The following APOBEC1 variants were observed in gnomAD, a reference collection of about 807,000 sequenced individuals.
The protein encoded by APOBEC1 is C->U-editing enzyme APOBEC-1.
APOBEC1 carries 22 observed loss-of-function variants against 26.3 expected under a neutral mutation model. That is an observed-to-expected ratio of 0.84 (90% CI 0.60 to 1.19). The LOEUF (loss-of-function observed/expected upper bound fraction) is 1.19. APOBEC1 is among the 50% of genes most tolerant of loss of function. The pLI is 0.00. For missense variants in APOBEC1, 253 were observed against 289.0 expected, an observed-to-expected ratio of 0.88 and a Z score of 0.90; for synonymous variants, 77 against 95.3, an observed-to-expected ratio of 0.81 and a Z score of 1.12.
chr12:7,665,766 C>T, intron 1 of APOBEC1, 91 bp downstream of exon 1: 1 of 591,692 alleles, frequency 1.7e-6, no homozygotes, highest in East Asian at 3.3e-5. Flanking sequence ...CACACACACA[C>T]ACACACACAC....
intron 2 of APOBEC1, among the ~76,000 whole-genome samples, chr12:7,653,228 C>T (rs1174944840): frequency 6.6e-6 from 1 of 151,842 alleles, no homozygotes; most frequent in Admixed American, 6.6e-5. Context: ...CCACGCCCAG[C>T]CTCTGCTCCC....
chr12:7,657,020 G>T (rs1224736277), intron 1 of APOBEC1, among the ~76,000 whole-genome samples: 1 of 150,366 alleles, frequency 6.7e-6, no homozygotes. Flanking sequence ...ATACCCACTT[G>T]GTGTCCTAGT....
intron 4 of APOBEC1, among the ~76,000 whole-genome samples, chr12:7,650,790 C>G (rs1308716552): frequency 6.6e-6 from 1 of 152,194 alleles, no homozygotes; most frequent in Non-Finnish European, 1.5e-5. Context: ...TTGGCGTGAT[C>G]ATAGCTCACT....
upstream of APOBEC1, among the ~76,000 whole-genome samples, chr12:7,669,484 G>A (rs1863929944): frequency 6.6e-6 from 1 of 152,116 alleles, no homozygotes; most frequent in Non-Finnish European, 1.5e-5. Flanking sequence ...GTGTAAACAT[G>A]TCTCTTTTTC....
chr12:7,656,182 A>T (rs79600810), intron 1 of APOBEC1, among the ~76,000 whole-genome samples: 8,056 of 151,792 alleles, frequency 0.053, 219 homozygotes, highest in African/African-American at 0.077. Flanking sequence ...TAAATGGAAG[A>T]TGTGTATTTG....
At chr12:7,665,464 AT>A (rs1355263052) in intron 1 of APOBEC1, among the ~76,000 whole-genome samples, 1 of 151,628 alleles carries the variant, frequency 6.6e-6, no homozygotes, top group Non-Finnish European at 1.5e-5. Context: ...TGCCTGGCTA[AT>A]TTTTGTATTT....
Position 7,649,716 on chromosome 12 carries a change from T to A in APOBEC1, c.562-20A>T. The A allele has an allele frequency of 9.3e-6, 14 of 1,511,090 alleles. No homozygotes were observed. The highest frequency in any genetic ancestry group is 1.1e-5 in the Non-Finnish European group (12 of 1,090,228). The allele number at this position is 1,511,090 out of a possible 1,614,324, so 93.6% of individuals were successfully genotyped here. A position where few individuals can be genotyped will look rare whatever the true frequency, so the allele number is the denominator to read the frequency against. On this transcript the variant is annotated intron_variant, in intron 4 of 4. Transcript: ENST00000229304. ...AAGACTCTGGAATAAAAAAGGATTATATTTAATCCTTAGGATGAATATTTT... is the reference window on the plus strand; with the variant it reads ...AAGACTCTGGAATAAAAAAGGATTAAATTTAATCCTTAGGATGAATATTTT...
Position 7,655,761 on chromosome 12 carries a change from G to A in APOBEC1, c.17-1129C>T, listed in dbSNP as rs998639485. Reference sequence around the variant, plus strand: ...CCCAGCTTTTTGAGATGCCAAGGCAGAAGGATCTCTTGAAGCCAGAAATTT... The same window carrying A: ...CCCAGCTTTTTGAGATGCCAAGGCAAAAGGATCTCTTGAAGCCAGAAATTT... On this transcript the variant is annotated intron_variant, in intron 1 of 4. Coordinates refer to ENST00000229304, the MANE Select transcript of APOBEC1 (RefSeq NM_001644.5). Among the ~76,000 whole-genome samples, 47 of 152,050 alleles carry A rather than the reference G, an allele frequency of 3.1e-4. 1 individual carries two copies. Among genetic ancestry groups the A allele is most frequent in the Admixed American group, 2.8e-3 (42 of 15,264 alleles).
upstream of APOBEC1, among the ~76,000 whole-genome samples, chr12:7,666,156 A>G (rs1179407414): frequency 1.3e-5 from 2 of 152,184 alleles, no homozygotes; most frequent in East Asian, 3.8e-4. Flanking sequence ...AAGTTCTTCA[A>G]TGACATCTGA....
intron 1 of APOBEC1, among the ~76,000 whole-genome samples, chr12:7,663,592 A>G (rs918938486): frequency 6.6e-6 from 1 of 152,160 alleles, no homozygotes; most frequent in African/African-American, 2.4e-5. Flanking sequence ...ATCATAGGAA[A>G]AAGGCATTTG....
intron 1 of APOBEC1, among the ~76,000 whole-genome samples, chr12:7,655,701 T>C (rs1181228752): frequency 6.6e-6 from 1 of 152,008 alleles, no homozygotes; most frequent in Non-Finnish European, 1.5e-5. Context: ...ATTTTATATA[T>C]ATAGAGAGAG....
At chr12:7,660,921 T>C (rs1363188012) in intron 1 of APOBEC1, among the ~76,000 whole-genome samples, 1 of 149,750 alleles carries the variant, frequency 6.7e-6, no homozygotes, top group African/African-American at 2.5e-5. Context: ...CAGCCAGGCA[T>C]GGTGGCTCAC....
At position 7,649,528 on chromosome 12, in the gene APOBEC1, A is replaced by T; in HGVS notation, c.*19T>A. On this transcript the variant is annotated 3_prime_UTR_variant, in exon 5 of 5. Coordinates refer to ENST00000229304, the MANE Select transcript of APOBEC1 (RefSeq NM_001644.5). ...TCATTGCTTGTTCTTGAATCAGTAC[A>T]CACACGGAATCATCCTATTCATCTC... The T allele has an allele frequency of 5.6e-6, 9 of 1,612,558 alleles. No homozygotes were observed. The highest frequency in any genetic ancestry group is 5.9e-6 in the Non-Finnish European group (7 of 1,179,174).
Position 7,652,601 on chromosome 12 carries a change from G to T in APOBEC1, c.279C>A (p.Cys93Ter), listed in dbSNP as rs1161320930. ...CTCTAATAGCCTGGGAGCATTCCCA[G>T]CAGGGACTCCAGGACAAGAACCAGG... ...SITWFLSWSP[C>*]WECSQAIREF... The change falls in exon 3 of 5, where the codon TGC becomes TGA. Residue 93 changes from cysteine (C) to a stop codon, truncating the protein, a stop_gained. Transcript: ENST00000229304. LOFTEE classifies it high-confidence loss of function. 6.2e-7 allele frequency: 1 copy of T among 1,614,170 alleles called. No homozygotes were observed. The highest frequency in any genetic ancestry group is 1.1e-5 in the South Asian group (1 of 91,072).
rs1555094860 is a variant in APOBEC1 at position 7,660,334 on chromosome 12, G to GGAAGGGAAGGAA, written c.16+5522_16+5523insTTCCTTCCCTTC. 2.7e-3 allele frequency among the ~76,000 whole-genome samples: 96 copies of GGAAGGGAAGGAA among 35,750 alleles called. 1 individual carries two copies. Among genetic ancestry groups the GGAAGGGAAGGAA allele is most frequent in the Non-Finnish European group, 4.9e-3 (69 of 14,038 alleles). The allele number at this position is 35,750 out of a possible 152,430, so 23.5% of individuals were successfully genotyped here. A position where few individuals can be genotyped will look rare whatever the true frequency, so the allele number is the denominator to read the frequency against. On this transcript the variant is annotated intron_variant, in intron 1 of 4. Coordinates refer to ENST00000229304, the MANE Select transcript of APOBEC1 (RefSeq NM_001644.5). ...AGAAAGGAAGGAAGGAAGGAAGGAA[G>GGAAGGGAAGGAA]GGAAGGAAGGAAGGAAGGAAGGAAG...
At chr12:7,659,566 G>C (rs1419083673) in intron 1 of APOBEC1, among the ~76,000 whole-genome samples, 1 of 151,858 alleles carries the variant, frequency 6.6e-6, no homozygotes, top group Non-Finnish European at 1.5e-5. Flanking sequence ...CCAAATGCTG[G>C]TAAGGATGCA....
intron 4 of APOBEC1, 28 bp from the exon 5 acceptor site, chr12:7,649,724 C>G: frequency 6.7e-7 from 1 of 1,485,244 alleles, no homozygotes; most frequent in Non-Finnish European, 9.3e-7. Flanking sequence ...TATATTTAAT[C>G]CTTAGGATGA....
At chr12:7,658,519 C>T (rs1039117004) in intron 1 of APOBEC1, among the ~76,000 whole-genome samples, 10 of 152,114 alleles carry the variant, frequency 6.6e-5, no homozygotes, top group Non-Finnish European at 8.8e-5. Context: ...GATTACCCAA[C>T]AGAGGTGTCA....
chr12:7,662,742 G>T (rs1399254572), intron 1 of APOBEC1, among the ~76,000 whole-genome samples: 6 of 152,148 alleles, frequency 3.9e-5, no homozygotes, highest in African/African-American at 1.4e-4. Context: ...ACATGTGGAC[G>T]TCGGGGAAGG....
Sources: allele counts gnomAD v4.1 joint callset (sites outside exome capture counted in the v4.1 genomes callset), GRCh38; gene constraint gnomAD v4.1.1; transcripts MANE v1.5; gene names NCBI Gene and HGNC (gene_info 2026-07-23, HGNC 2026-07-21).